The following SNX24 variants were observed in gnomAD, a reference collection of about 807,000 sequenced individuals.
SNX24 encodes the protein sorting nexin 24, also known as sorting nexin-24.
SNX24 carries 22 observed loss-of-function variants against 28.7 expected under a neutral mutation model. The ratio of observed to expected loss-of-function variants is 0.77; its 90% CI spans 0.55 to 1.10. SNX24 has a LOEUF of 1.10. SNX24 is among the 50% of genes least tolerant of loss of function. The pLI is 0.00. For synonymous variants in SNX24, 69 were observed against 71.5 expected (o/e 0.96, Z 0.18); for missense variants, 221 against 201.1 (o/e 1.10, Z -0.60).
intron 1 of SNX24, among the ~76,000 whole-genome samples, chr5:122,889,102 C>T (rs1341113815): frequency 6.6e-6 from 1 of 152,202 alleles, no homozygotes; most frequent in African/African-American, 2.4e-5. Context: ...ATCTGCCCGC[C>T]TTGGCCTCCC....
chr5:122,847,073 G>C (rs927216145), intron 1 of SNX24, among the ~76,000 whole-genome samples: 6 of 151,906 alleles, frequency 3.9e-5, no homozygotes, highest in Non-Finnish European at 8.8e-5. Flanking sequence ...AGTCATGGAG[G>C]GCTTACCATC....
intron 1 of SNX24, among the ~76,000 whole-genome samples, chr5:122,849,064 G>A (rs13172043): frequency 0.65 from 99,166 of 152,034 alleles, 33,229 homozygotes; most frequent in African/African-American, 0.81. Context: ...CTGATGGCCA[G>A]GAAATCCTTG....
chr5:122,952,056 G>T (rs1759967427), intron 3 of SNX24, among the ~76,000 whole-genome samples: 1 of 152,174 alleles, frequency 6.6e-6, no homozygotes, highest in Non-Finnish European at 1.5e-5. Context: ...TTAAAATATT[G>T]ACTAAAACTA....
At chr5:122,986,673 C>T (rs1182419839) in intron 3 of SNX24, among the ~76,000 whole-genome samples, 1 of 152,102 alleles carries the variant, frequency 6.6e-6, no homozygotes, top group Admixed American at 6.5e-5. Context: ...AGGGAAACAG[C>T]ATCGGTTGAA....
chr5:122,863,097 G>A (rs1037619972), intron 1 of SNX24, among the ~76,000 whole-genome samples: 1 of 152,068 alleles, frequency 6.6e-6, no homozygotes, highest in Non-Finnish European at 1.5e-5. Flanking sequence ...ATTCTAGTTG[G>A]GGGAGAGTAA....
At chr5:122,938,496 G>A (rs1287326778) in intron 2 of SNX24, among the ~76,000 whole-genome samples, 1 of 152,074 alleles carries the variant, frequency 6.6e-6, no homozygotes, top group Non-Finnish European at 1.5e-5. Flanking sequence ...AACTTTACAG[G>A]GACATAGAGA....
chr5:122,963,299 A>G (rs1417732297), intron 3 of SNX24, among the ~76,000 whole-genome samples: 1 of 152,174 alleles, frequency 6.6e-6, no homozygotes, highest in Non-Finnish European at 1.5e-5. Context: ...TCACAGCTGC[A>G]TGCTGCTTCT....
rs1382912088 is a variant in SNX24 at position 123,025,777 on chromosome 5, A to C, written n.384-3461A>C. 1.9e-6 allele frequency: 3 copies of C among 1,610,338 alleles called. No homozygotes were observed. The East Asian group carries it at 6.7e-5, about 36-fold the overall frequency. On this transcript the variant is annotated intron_variant and non_coding_transcript_variant, in intron 5 of 5. Coordinates refer to the SNX24 transcript ENST00000502387. ...AGCTTTGAAAGGAAAAAAATGTATC[A>C]ATTTACCATCCCATCAATGACTTTT... is the stretch of plus-strand genomic sequence containing the variant.
intron 3 of SNX24, among the ~76,000 whole-genome samples, chr5:122,960,749 G>GAGA (rs923415996): frequency 5.3e-5 from 8 of 152,082 alleles, no homozygotes; most frequent in African/African-American, 1.9e-4. Flanking sequence ...TCACTTACCA[G>GAGA]AGAAGGGGTT....
chr5:122,872,593 C>T (rs1048739976), intron 1 of SNX24, among the ~76,000 whole-genome samples: 3 of 152,112 alleles, frequency 2.0e-5, no homozygotes, highest in African/African-American at 4.8e-5. Flanking sequence ...TATGCACATT[C>T]TCCTGTGTAC....
intron 3 of SNX24, among the ~76,000 whole-genome samples, chr5:122,987,576 G>T (rs1421456668): frequency 1.3e-5 from 2 of 152,212 alleles, no homozygotes; most frequent in African/African-American, 2.4e-5. Flanking sequence ...GATTCAGCCA[G>T]AACTGAGCTG....
intron 3 of SNX24, chr5:122,948,709 A>T (rs1367871568): frequency 6.6e-6 from 1 of 152,196 alleles, no homozygotes; most frequent in African/African-American, 2.4e-5. Flanking sequence ...TTAGAGATGG[A>T]CAAACTGAGG....
downstream of SNX24, among the ~76,000 whole-genome samples, chr5:123,013,773 C>A (rs1158958483): frequency 6.6e-6 from 1 of 152,184 alleles, no homozygotes; most frequent in Non-Finnish European, 1.5e-5. Context: ...TATTCTATGT[C>A]ATTTAGATAC....
intron 1 of SNX24, among the ~76,000 whole-genome samples, chr5:122,846,794 T>C (rs756109545): frequency 7.2e-5 from 11 of 152,274 alleles, no homozygotes; most frequent in Non-Finnish European, 1.3e-4. Flanking sequence ...CTGAAACAAG[T>C]TGTTAAAGTG....
intron 1 of SNX24, among the ~76,000 whole-genome samples, 191 bp downstream of exon 1, chr5:122,845,884 C>T (rs1561494299): frequency 6.6e-6 from 1 of 151,934 alleles, no homozygotes; most frequent in Non-Finnish European, 1.5e-5. Flanking sequence ...CCGGGCACGG[C>T]GGCTGCGGGC....
At chr5:122,863,695 A>G (rs956261985) in intron 1 of SNX24, among the ~76,000 whole-genome samples, 18 of 152,120 alleles carry the variant, frequency 1.2e-4, no homozygotes, top group Non-Finnish European at 2.2e-4. Context: ...AGCTAGGACC[A>G]TGGACGCATG....
chr5:122,976,833 A>C (rs973257289), intron 3 of SNX24, among the ~76,000 whole-genome samples: 3 of 152,214 alleles, frequency 2.0e-5, no homozygotes, highest in African/African-American at 7.2e-5. Flanking sequence ...TGCAATTCAT[A>C]TTTCATATGT....
At chr5:122,887,912 A>G (rs919641732) in intron 1 of SNX24, among the ~76,000 whole-genome samples, 2 of 152,196 alleles carry the variant, frequency 1.3e-5, no homozygotes, top group African/African-American at 4.8e-5. Context: ...CATGTTGGTC[A>G]GGCTGGTCCG....
intron 3 of SNX24, among the ~76,000 whole-genome samples, chr5:122,970,328 G>A (rs1046739302): frequency 6.6e-6 from 1 of 151,494 alleles, no homozygotes; most frequent in African/African-American, 2.4e-5. Flanking sequence ...GTCCTTTCCC[G>A]TTTAGAATGC....
Sources: gnomAD v4.1 joint callset for allele counts (sites outside exome capture counted in the v4.1 genomes callset) on GRCh38, gnomAD v4.1.1 for gene constraint, MANE v1.5 for transcripts, NCBI Gene and HGNC (gene_info 2026-07-23, HGNC 2026-07-21) for gene names.